Variants in CEP135 observed in about 807,000 individuals in gnomAD.
CEP135 encodes centrosomal protein of 135 kDa.
Under a neutral mutation model 157.3 loss-of-function variants are expected in CEP135, and 142 were observed. The observed-to-expected ratio is 0.90, with a 90% CI of 0.79 to 1.04. CEP135 has a LOEUF of 1.04. CEP135 is among the 50% of genes least tolerant of loss of function. The probability of loss-of-function intolerance (pLI) is 0.00; values close to 1 mark genes in which losing one functional copy is unlikely to be tolerated. For synonymous variants in CEP135, 396 were observed against 439.8 expected, an observed-to-expected ratio of 0.90 and a Z score of 1.25; for missense variants, 1,317 against 1,309.2, an observed-to-expected ratio of 1.01 and a Z score of -0.09.
intron 19 of CEP135, among the ~76,000 whole-genome samples, chr4:56,010,917 A>C (rs1047435281): frequency 6.6e-6 from 1 of 152,156 alleles, no homozygotes; most frequent in South Asian, 2.1e-4. Context: ...ATTATGGGAA[A>C]TGTGTGATAA....
At chr4:55,969,409 A>G (rs902827543) in intron 9 of CEP135, among the ~76,000 whole-genome samples, 6 of 149,940 alleles carry the variant, frequency 4.0e-5, no homozygotes, top group Non-Finnish European at 5.9e-5. Flanking sequence ...CCTGGGCAAC[A>G]AGAGCGAAAC....
At chr4:56,011,724 G>A in intron 20 of CEP135, 76 bp from the exon 21 acceptor site, 1 of 1,192,390 alleles carries the variant, frequency 8.4e-7, no homozygotes, top group African/African-American at 1.6e-5. Flanking sequence ...CTGTGTATGT[G>A]TATGTGTTTA....
At chr4:56,023,143 G>A (rs1289377171) in intron 24 of CEP135, among the ~76,000 whole-genome samples, 1 of 152,072 alleles carries the variant, frequency 6.6e-6, no homozygotes, top group East Asian at 1.9e-4. Flanking sequence ...TGAGGCGGGA[G>A]GATCGCTTGA....
chr4:55,971,290 A>G lies in CEP135; in HGVS notation c.1131A>G (p.Lys377=). 6.3e-7 allele frequency: 1 copy of G among 1,583,016 alleles called. No homozygotes were observed. Among genetic ancestry groups the G allele is most frequent in the Non-Finnish European group, 8.5e-7 (1 of 1,169,862 alleles). Reference sequence around the variant, plus strand: ...TGCAGGAATTGAACTTATGCCAGAAAGAAAAGGAGAGACTGAGTGATGAAC... The same window carrying G: ...TGCAGGAATTGAACTTATGCCAGAAGGAAAAGGAGAGACTGAGTGATGAAC... ...KLQLELNLCQ[K]EKERLSDELL... is the part of the protein sequence containing the mutation. Residue 377 remains lysine (K), a synonymous_variant, in exon 10 of 26, where the codon AAA becomes AAG. Transcript: ENST00000257287.
At chr4:55,972,362 TATTAA>T (rs958949574) in intron 10 of CEP135, among the ~76,000 whole-genome samples, 51 of 151,926 alleles carry the variant, frequency 3.4e-4, no homozygotes, top group African/African-American at 1.2e-3. Flanking sequence ...TGATAAGAGG[TATTAA>T]ATTAGAATGG....
Position 55,954,255 on chromosome 4 carries a change from C to G in CEP135, c.344C>G (p.Ala115Gly), listed in dbSNP as rs941101955. ...TTGAAGAAATGTGCACGTGAAACAG[C>G]TGATCTGAAATTTCTGAATAACCAA... is the stretch of plus-strand genomic sequence containing the variant. ...TSLKKCARET[A>G]DLKFLNNQYA... Residue 115 changes from alanine to glycine, a missense_variant, in exon 4 of 26, where the codon GCT becomes GGT. Transcript: ENST00000257287. 5 of 1,604,128 alleles carry G rather than the reference C, an allele frequency of 3.1e-6. No individual in the cohort carries two copies. The African/African-American group carries it at 4.0e-5, about 13-fold the overall frequency.
At chr4:55,996,869 A>G (rs192377987) in intron 15 of CEP135, among the ~76,000 whole-genome samples, 1 of 152,308 alleles carries the variant, frequency 6.6e-6, no homozygotes, top group African/African-American at 2.4e-5. Flanking sequence ...ATTATGATGG[A>G]AATAATTACC....
chr4:56,008,000 T>A (rs1430636125), intron 17 of CEP135, among the ~76,000 whole-genome samples: 1 of 152,238 alleles, frequency 6.6e-6, no homozygotes, highest in African/African-American at 2.4e-5. Context: ...TAGAAGTTTC[T>A]AAGACCTAGG....
intron 15 of CEP135, among the ~76,000 whole-genome samples, chr4:55,997,596 A>G (rs569704795): frequency 6.6e-6 from 1 of 152,294 alleles, no homozygotes; most frequent in South Asian, 2.1e-4. Context: ...TATTCTGCAA[A>G]GAAGGCATTA....
At chr4:55,985,502 T>G (rs1215497603) in intron 14 of CEP135, 144 bp downstream of exon 14, 1 of 274,728 alleles carries the variant, frequency 3.6e-6, no homozygotes, top group Non-Finnish European at 6.8e-6. Flanking sequence ...GTTGCCCCGG[T>G]TGGAGTACAG....
chr4:56,002,614 A>T (rs964275157), intron 17 of CEP135, among the ~76,000 whole-genome samples: 2 of 152,142 alleles, frequency 1.3e-5, no homozygotes, highest in African/African-American at 4.8e-5. Flanking sequence ...TAATTTATTT[A>T]AAAAATATTG....
In CEP135 at chr4:55,957,298, G is replaced by A. The variant is rs774860984; in HGVS notation, c.548G>A (p.Ser183Asn). The stretch of plus-strand genomic sequence containing the variant: ...GAACCGGTTCCTCCCTCTGAAGTCA[G>A]TTCATATCCAGTTCCTCAACCAGAT... Reference protein sequence around the residue: ...IDEPVPPSEVSSYPVPQPDDP... With the variant: ...IDEPVPPSEVNSYPVPQPDDP... Residue 183 changes from serine (S) to asparagine (N), a missense_variant, in exon 5 of 26, where the codon AGT (serine) becomes AAT (asparagine). Coordinates refer to ENST00000257287, the MANE Select transcript of CEP135 (RefSeq NM_025009.5). The A allele has an allele frequency of 2.5e-6, 4 of 1,614,104 alleles. No homozygotes were observed. Among genetic ancestry groups the A allele is most frequent in the Non-Finnish European group, 2.5e-6 (3 of 1,179,990 alleles).
intron 19 of CEP135, 52 bp from the exon 20 acceptor site, chr4:56,011,360 T>A: frequency 8.4e-7 from 1 of 1,187,784 alleles, no homozygotes; most frequent in Non-Finnish European, 1.2e-6. Flanking sequence ...ATAAATAAAA[T>A]TTATTTGGTG....
chr4:55,999,692 T>C, intron 17 of CEP135, 47 bp downstream of exon 17: 1 of 1,555,050 alleles, frequency 6.4e-7, no homozygotes. Context: ...ACAGAACAGT[T>C]TTTTTTGTTT....
chr4:55,975,867 G>A (rs1017866223), intron 11 of CEP135, among the ~76,000 whole-genome samples: 2 of 152,130 alleles, frequency 1.3e-5, no homozygotes, highest in Non-Finnish European at 2.9e-5. Flanking sequence ...AAACAGTTTT[G>A]TCTTCTGATT....
In CEP135 at chr4:55,957,216, T is replaced by C. The variant is rs763219938; in HGVS notation, c.473-7T>C. The C allele has an allele frequency of 1.2e-5, 19 of 1,610,392 alleles. No homozygotes were observed. The highest frequency in any genetic ancestry group is 1.6e-5 in the Non-Finnish European group (19 of 1,179,090). Reference sequence around the variant, plus strand: ...TCTTAGTTTTTTAAGACACTCATTCTTTTTAGGTGGCAAGAAAAGAAGTAT... The same window carrying C: ...TCTTAGTTTTTTAAGACACTCATTCCTTTTAGGTGGCAAGAAAAGAAGTAT... On this transcript the variant is annotated splice_region_variant and splice_polypyrimidine_tract_variant and intron_variant, in intron 4 of 25. Coordinates refer to ENST00000257287, the MANE Select transcript of CEP135 (RefSeq NM_025009.5).
chr4:56,009,243 G>A (rs915345901), intron 18 of CEP135, among the ~76,000 whole-genome samples: 17 of 152,206 alleles, frequency 1.1e-4, no homozygotes, highest in African/African-American at 3.6e-4. Context: ...CTCATTGCAA[G>A]CTCTGCCTCC....
At chr4:56,026,434 A>G (rs1731161654) in intron 25 of CEP135, among the ~76,000 whole-genome samples, 3 of 152,190 alleles carry the variant, frequency 2.0e-5, no homozygotes, top group African/African-American at 7.2e-5. Context: ...TAGACATTTT[A>G]TAAATGAAAT....
At position 56,020,698 on chromosome 4, in the gene CEP135, A is replaced by G. The variant is rs1460392658; in HGVS notation, c.3238A>G (p.Thr1080Ala). ...AAGAACTAGTCAAAGCCGGGAAAAC[A>G]CCATGCTTCGAGCTAAAGTGGCACA... ...SKLTSQSREN[T>A]MLRAKVAQLQ... Residue 1080 changes from threonine to alanine, a missense_variant, in exon 24 of 26, where the codon ACC becomes GCC. Physicochemically the swap from Thr to Ala is moderately conservative, Grantham distance 58. Coordinates refer to ENST00000257287, the MANE Select transcript of CEP135 (RefSeq NM_025009.5). 6.2e-7 allele frequency: 1 copy of G among 1,613,740 alleles called. No homozygotes were observed. The highest frequency in any genetic ancestry group is 1.1e-5 in the South Asian group (1 of 91,044).
Sources: gnomAD v4.1 joint callset for allele counts (sites outside exome capture counted in the v4.1 genomes callset) on GRCh38, gnomAD v4.1.1 for gene constraint, MANE v1.5 for transcripts, NCBI Gene and HGNC (gene_info 2026-07-23, HGNC 2026-07-21) for gene names.